PRELID2: variants seen among roughly 807,000 people sequenced by gnomAD.
The protein encoded by PRELID2 is PRELI domain-containing protein 2.
In PRELID2, 25 loss-of-function variants were observed where a neutral mutation model predicts 28.4. The ratio of observed to expected loss-of-function variants is 0.88; its 90% confidence interval spans 0.64 to 1.23. The LOEUF (loss-of-function observed/expected upper bound fraction) is 1.23, where lower values mean the gene tolerates loss of function less well. Among genes scored for constraint, PRELID2 ranks in the 50% most tolerant of loss-of-function variants. The pLI is 0.00. For missense variants in PRELID2, 201 were observed against 214.4 expected (o/e 0.94, Z 0.39); for synonymous variants, 76 against 71.6 (o/e 1.06, Z -0.31).
At chr5:145,741,388 T>G (rs1161314259) in intron 1 of PRELID2, among the ~76,000 whole-genome samples, 1 of 106,176 alleles carries the variant, frequency 9.4e-6, no homozygotes, top group Non-Finnish European at 1.7e-5. Context: ...TATTTATAAA[T>G]TATTTATATA....
intron 1 of PRELID2, among the ~76,000 whole-genome samples, chr5:145,723,679 G>C (rs1218061209): frequency 6.6e-6 from 1 of 152,118 alleles, no homozygotes; most frequent in African/African-American, 2.4e-5. Context: ...TTGGCAAAAA[G>C]TTTAAAAGCT....
chr5:145,818,716 T>C (rs1754549050), intron 3 of PRELID2, among the ~76,000 whole-genome samples: 1 of 152,242 alleles, frequency 6.6e-6, no homozygotes, highest in Non-Finnish European at 1.5e-5. Flanking sequence ...TTCATTGTCA[T>C]ATCAGCTTTA....
chr5:145,765,064 C>G, intron 5 of PRELID2, 64 bp from the exon 6 acceptor site: 1 of 1,144,338 alleles, frequency 8.7e-7, no homozygotes, highest in South Asian at 1.4e-5. Context: ...TTACATTTAT[C>G]ACAACCTTTT....
chr5:145,281,540 G>A, the PRELID2 span, among the ~76,000 whole-genome samples: 1 of 152,172 alleles, frequency 6.6e-6, no homozygotes, highest in African/African-American at 2.4e-5. Flanking sequence ...GGTTAAAACT[G>A]GCAGCTTATC....
the PRELID2 span, among the ~76,000 whole-genome samples, chr5:145,281,813 T>G: frequency 2.0e-5 from 3 of 152,208 alleles, no homozygotes; most frequent in South Asian, 6.2e-4. Context: ...TGGACTTGGG[T>G]TAAAATACTG....
chr5:145,352,994 T>G, the PRELID2 span, among the ~76,000 whole-genome samples: 1 of 152,194 alleles, frequency 6.6e-6, no homozygotes. Flanking sequence ...TTTAGGAAGT[T>G]CCAAACTTTC....
intron 1 of PRELID2, among the ~76,000 whole-genome samples, chr5:145,545,596 C>G (rs912765902): frequency 4.6e-5 from 7 of 152,044 alleles, no homozygotes; most frequent in Non-Finnish European, 8.8e-5. Flanking sequence ...TTTAACAAAC[C>G]TCGATCTAGC....
chr5:145,588,348 A>G (rs1041094917), intron 1 of PRELID2, among the ~76,000 whole-genome samples: 2 of 152,092 alleles, frequency 1.3e-5, no homozygotes, highest in African/African-American at 2.4e-5. Context: ...GCAGGCTCCT[A>G]CTCAGCAAAG....
At chr5:145,528,222 G>C (rs1752625185) in intron 1 of PRELID2, among the ~76,000 whole-genome samples, 1 of 152,014 alleles carries the variant, frequency 6.6e-6, no homozygotes. Context: ...TATACATCTG[G>C]AGAGCTATGT....
At chr5:145,252,373 G>T in the PRELID2 span, among the ~76,000 whole-genome samples, 1 of 152,050 alleles carries the variant, frequency 6.6e-6, no homozygotes, top group Admixed American at 6.6e-5. Flanking sequence ...TAGGGCTTGA[G>T]CTCAAATGCC....
chr5:145,652,732 C>A (rs1279303031), intron 1 of PRELID2, among the ~76,000 whole-genome samples: 1 of 152,176 alleles, frequency 6.6e-6, no homozygotes, highest in African/African-American at 2.4e-5. Flanking sequence ...GCCTGCCCTA[C>A]AAGAGCTCCT....
At chr5:145,277,533 TC>T in the PRELID2 span, among the ~76,000 whole-genome samples, 4 of 152,210 alleles carry the variant, frequency 2.6e-5, no homozygotes, top group African/African-American at 9.6e-5. Context: ...GCCTTCCAAC[TC>T]CCTGAGGGGA....
the PRELID2 span, among the ~76,000 whole-genome samples, chr5:145,258,415 C>T: frequency 6.6e-6 from 1 of 152,098 alleles, no homozygotes; most frequent in Non-Finnish European, 1.5e-5. Flanking sequence ...GTGATATGGA[C>T]AGTTATGTTC....
chr5:145,348,815 G>A, the PRELID2 span, among the ~76,000 whole-genome samples: 4 of 152,098 alleles, frequency 2.6e-5, no homozygotes, highest in African/African-American at 9.7e-5. Flanking sequence ...AGCACTGTAT[G>A]TGTATGTTAA....
intron 1 of PRELID2, among the ~76,000 whole-genome samples, chr5:145,726,245 G>A: frequency 7.6e-6 from 1 of 131,804 alleles, no homozygotes; most frequent in South Asian, 2.8e-4. Context: ...AGGAGGGAGG[G>A]AGGGAGGGAG....
At chr5:145,319,751 C>T in the PRELID2 span, among the ~76,000 whole-genome samples, 90 of 151,750 alleles carry the variant, frequency 5.9e-4, no homozygotes, top group African/African-American at 2.1e-3. Flanking sequence ...GTAACTCCAC[C>T]GATGATTAAA....
chr5:145,273,219 T>C, the PRELID2 span, among the ~76,000 whole-genome samples: 1 of 152,254 alleles, frequency 6.6e-6, no homozygotes, highest in South Asian at 2.1e-4. Flanking sequence ...ATTATTTTCC[T>C]AGGGGTTCTA....
rs1754606952 is a variant in PRELID2 at position 145,819,477 on chromosome 5, G to C, written c.207+468C>G. 8 of 1,041,104 alleles carry C rather than the reference G, an allele frequency of 7.7e-6. No homozygotes were observed. The Admixed American group carries it at 1.3e-4, about 17-fold the overall frequency. 64.5% of individuals were successfully genotyped at this position (1,041,104 alleles called of 1,614,324 possible). On this transcript the variant is annotated intron_variant, in intron 3 of 6. Coordinates refer to ENST00000683046, the MANE Select transcript of PRELID2 (RefSeq NM_205846.3). The stretch of plus-strand genomic sequence containing the variant: ...TCATCATCAATGATATTACTTTAGA[G>C]AAATACACATAAAGACTTACAGAGG...
chr5:145,405,961 T>G, the PRELID2 span, among the ~76,000 whole-genome samples: 1 of 151,988 alleles, frequency 6.6e-6, no homozygotes. Flanking sequence ...CACCTCAGCC[T>G]CCCAAAGTGC....
Sources: gnomAD v4.1 joint callset for allele counts (sites outside exome capture counted in the v4.1 genomes callset) on GRCh38, gnomAD v4.1.1 for gene constraint, MANE v1.5 for transcripts, NCBI Gene and HGNC (gene_info 2026-07-23, HGNC 2026-07-21) for gene names.